The following PDZD9 variants were observed in gnomAD, a reference collection of about 807,000 sequenced individuals.
PDZD9 encodes PDZ domain-containing protein 9.
A neutral mutation model predicts 16.3 loss-of-function variants in PDZD9; 13 were observed. The observed-to-expected ratio is 0.80, with a 90% CI of 0.52 to 1.27. The LOEUF is 1.27. PDZD9 is among the 50% of genes most tolerant of loss of function. The pLI, the probability that PDZD9 is intolerant of heterozygous loss-of-function variation, is 0.00. For missense variants in PDZD9, 288 were observed against 310.9 expected (o/e 0.93, Z 0.55); for synonymous variants, 120 against 111.0 (o/e 1.08, Z -0.51).
At chr16:21,962,938 G>C in the PDZD9 span, 2 of 1,543,452 alleles carry the variant, frequency 1.3e-6, 1 homozygote, top group Non-Finnish European at 1.7e-6. Flanking sequence ...TTTTTTAGAA[G>C]ATCAATTTAT....
intron 1 of PDZD9, among the ~76,000 whole-genome samples, chr16:22,000,120 C>T (rs1191675645): frequency 2.6e-5 from 4 of 152,004 alleles, no homozygotes; most frequent in Non-Finnish European, 5.9e-5. Flanking sequence ...AGGAGGATTG[C>T]TTGAGCCCAA....
the PDZD9 span, chr16:21,968,811 CA>C: frequency 1.5e-6 from 1 of 675,958 alleles, no homozygotes. Context: ...GTCAGACAGG[CA>C]ATATATCATA....
the PDZD9 span, among the ~76,000 whole-genome samples, chr16:21,961,737 C>T: frequency 1.4e-5 from 2 of 144,720 alleles, no homozygotes; most frequent in African/African-American, 5.1e-5. Context: ...CTGTAACCTC[C>T]GCCTCTTGGG....
chr16:21,968,099 T>TC, the PDZD9 span, among the ~76,000 whole-genome samples: 1 of 151,634 alleles, frequency 6.6e-6, no homozygotes, highest in Non-Finnish European at 1.5e-5. Context: ...CCTCCTGGAT[T>TC]CAAACAATTC....
downstream of PDZD9, among the ~76,000 whole-genome samples, chr16:21,982,520 T>C (rs868443778): frequency 2.6e-5 from 4 of 152,304 alleles, no homozygotes; most frequent in Middle Eastern, 3.4e-3. Context: ...GCTACCCTCT[T>C]ACCAGTGTTG....
the PDZD9 span, among the ~76,000 whole-genome samples, chr16:21,960,613 C>G: frequency 6.6e-6 from 1 of 152,200 alleles, no homozygotes; most frequent in Non-Finnish European, 1.5e-5. Context: ...GCCTTCCTGA[C>G]TTCCTTAGAA....
intron 3 of PDZD9, among the ~76,000 whole-genome samples, chr16:21,985,302 TTTTA>T (rs1177370970): frequency 2.0e-5 from 3 of 151,958 alleles, no homozygotes; most frequent in Non-Finnish European, 4.4e-5. Flanking sequence ...TTTTATTTAT[TTTTA>T]TTTATTTATT....
At chr16:22,000,018 G>A (rs1899251900) in intron 1 of PDZD9, among the ~76,000 whole-genome samples, 1 of 151,988 alleles carries the variant, frequency 6.6e-6, no homozygotes, top group East Asian at 1.9e-4. Context: ...TCTAGCCTGG[G>A]TCACAGAGCA....
chr16:21,982,215 C>T (rs1000220662), downstream of PDZD9, among the ~76,000 whole-genome samples: 1 of 152,078 alleles, frequency 6.6e-6, no homozygotes, highest in East Asian at 1.9e-4. Flanking sequence ...ACTGCTTCCA[C>T]CACCACCTCT....
the PDZD9 span, among the ~76,000 whole-genome samples, chr16:21,959,106 C>G: frequency 0.03 from 4,634 of 152,238 alleles, 94 homozygotes; most frequent in South Asian, 0.065. Context: ...GATGACTGAT[C>G]AAGGTGGTGG....
the PDZD9 span, chr16:21,958,518 A>G: frequency 6.2e-7 from 1 of 1,610,956 alleles, no homozygotes; most frequent in South Asian, 1.1e-5. Flanking sequence ...AAAGATAATC[A>G]TTCTTTCTTT....
chr16:21,980,319 A>G (rs549843142), downstream of PDZD9: 117 of 489,422 alleles, frequency 2.4e-4, no homozygotes, highest in African/African-American at 2.0e-3. Context: ...TGGGCCCTCA[A>G]TTGGACACTT....
chr16:21,976,311 A>G, the PDZD9 span: 1 of 1,318,460 alleles, frequency 7.6e-7, no homozygotes, highest in Non-Finnish European at 1.1e-6. Context: ...TCAGATTATA[A>G]CAATATTACA....
At chr16:21,965,160 A>T in the PDZD9 span, among the ~76,000 whole-genome samples, 1 of 152,228 alleles carries the variant, frequency 6.6e-6, no homozygotes, top group East Asian at 1.9e-4. Context: ...AAGTTAGAAA[A>T]GTGGTTTAGG....
chr16:21,981,206 C>T (rs773377971), downstream of PDZD9, among the ~76,000 whole-genome samples: 16 of 152,110 alleles, frequency 1.1e-4, no homozygotes, highest in Non-Finnish European at 1.6e-4. Context: ...TTCTCTTGTT[C>T]TTGCTAATTT....
chr16:21,969,449 T>C, the PDZD9 span, among the ~76,000 whole-genome samples: 1 of 152,152 alleles, frequency 6.6e-6, no homozygotes, highest in African/African-American at 2.4e-5. Flanking sequence ...GGAGAATCGC[T>C]TGAACCCAGG....
the PDZD9 span, among the ~76,000 whole-genome samples, chr16:21,974,858 A>G: frequency 6.6e-6 from 1 of 152,226 alleles, no homozygotes; most frequent in Non-Finnish European, 1.5e-5. Flanking sequence ...ATTGGAAGAT[A>G]TTGGGAAGAT....
intron 2 of PDZD9, among the ~76,000 whole-genome samples, chr16:21,991,851 G>A (rs1387272175): frequency 6.6e-6 from 1 of 152,282 alleles, no homozygotes. Flanking sequence ...GGCTTGTCAC[G>A]AAGAGATTTG....
At chr16:21,969,462 G>A in the PDZD9 span, among the ~76,000 whole-genome samples, 1 of 152,154 alleles carries the variant, frequency 6.6e-6, no homozygotes, top group South Asian at 2.1e-4. Flanking sequence ...AACCCAGGAG[G>A]CAGTGATTGC....
Sources: gnomAD v4.1 joint callset for allele counts (sites outside exome capture counted in the v4.1 genomes callset) on GRCh38, gnomAD v4.1.1 for gene constraint, MANE v1.5 for transcripts, NCBI Gene and HGNC (gene_info 2026-07-23, HGNC 2026-07-21) for gene names.